The following FBN3 variants were observed in gnomAD, a reference collection of about 807,000 sequenced individuals.
The protein encoded by FBN3 is fibrillin-3.
A neutral mutation model predicts 330.1 loss-of-function variants in FBN3; 234 were observed. The observed-to-expected ratio is 0.71, with a 90% CI of 0.64 to 0.79. The LOEUF (loss-of-function observed/expected upper bound fraction) is 0.79. FBN3 is among the 30% of genes least tolerant of loss of function. The probability of loss-of-function intolerance (pLI) is 0.00; values close to 1 mark genes in which losing one functional copy is unlikely to be tolerated. For synonymous variants in FBN3, 1,458 were observed against 1,517.3 expected (o/e 0.96, Z 0.91); for missense variants, 3,606 against 3,886.9 (o/e 0.93, Z 1.92).
chr19:8,119,347 C>T (rs1038735104), intron 25 of FBN3, among the ~76,000 whole-genome samples: 11 of 152,182 alleles, frequency 7.2e-5, no homozygotes, highest in Non-Finnish European at 1.6e-4. Flanking sequence ...GGCTCAGTCC[C>T]GCCAGGACTC....
At chr19:8,135,852 G>A (rs1053175344) in intron 13 of FBN3, 109 bp downstream of exon 13, 17 of 1,267,820 alleles carry the variant, frequency 1.3e-5, no homozygotes, top group Non-Finnish European at 1.8e-5. Context: ...CAGAGGAGAC[G>A]TCGTAGGGAG....
intron 63 of FBN3, among the ~76,000 whole-genome samples, chr19:8,068,709 T>A (rs980147726): frequency 6.4e-4 from 76 of 118,054 alleles, no homozygotes; most frequent in Non-Finnish European, 9.6e-4. Context: ...CTCAAATAAA[T>A]AAATAAATAA....
intron 34 of FBN3, among the ~76,000 whole-genome samples, 181 bp downstream of exon 34, chr19:8,110,664 T>C (rs184276552): frequency 1.3e-5 from 2 of 152,252 alleles, no homozygotes; most frequent in African/African-American, 4.8e-5. Flanking sequence ...ACAGAACTTA[T>C]TTAGCAGGCG....
In FBN3 at chr19:8,138,473, A is replaced by C. The variant is rs149861063; in HGVS notation, c.957T>G (p.Cys319Trp). The C allele has an allele frequency of 2.0e-5, 33 of 1,613,340 alleles. No individual in the cohort carries two copies. The African/African-American group carries it at 4.1e-4, about 20-fold the overall frequency. The part of the protein sequence containing the change: ...AGHYTRRQCC[C>W]DRGRCWAAGP... Reference sequence around the variant, plus strand: ...CAGCTGCCCAGCACCTGCCCCTGTCACAGCAGCACTGCCTGCGAGTGTAGT... The same window carrying C: ...CAGCTGCCCAGCACCTGCCCCTGTCCCAGCAGCACTGCCTGCGAGTGTAGT... Residue 319 changes from cysteine to tryptophan, a missense_variant, in exon 9 of 64, where the codon TGT becomes TGG. Coordinates refer to ENST00000600128, the MANE Select transcript of FBN3 (RefSeq NM_032447.5).
rs1405896789 is a variant in FBN3 at position 8,081,403 on chromosome 19, A to G, written c.7291T>C (p.Cys2431Arg). 1 of 1,612,460 alleles carries G rather than the reference A, an allele frequency of 6.2e-7. No homozygotes were observed. The change falls in exon 58 of 64, where the codon TGT becomes CGT. Residue 2431 changes from cysteine (C) to arginine (R), a missense_variant. Cys to Arg is a radical substitution (Grantham distance 180, BLOSUM62 -3). Transcript: ENST00000600128. ...KNTKGSFLCS[C>R]PRGYLLEEDG... Reference sequence around the variant, plus strand: ...TCCTCCAGCAGGTAGCCTCGGGGACAGCTGCACAGGAAACTGCCCTTCGTG... The same window carrying G: ...TCCTCCAGCAGGTAGCCTCGGGGACGGCTGCACAGGAAACTGCCCTTCGTG...
intron 38 of FBN3, among the ~76,000 whole-genome samples, chr19:8,105,542 G>C (rs1192463543): frequency 1.3e-5 from 2 of 152,190 alleles, no homozygotes; most frequent in Non-Finnish European, 2.9e-5. Flanking sequence ...ACCAGCTTGA[G>C]CTGCCACGCA....
Position 8,118,020 on chromosome 19 carries a change from A to T in FBN3, c.3338-431T>A, listed in dbSNP as rs563300101. Among the ~76,000 whole-genome samples the T allele has an allele frequency of 3.9e-5, 6 of 152,056 alleles. No individual in the cohort carries two copies. The East Asian group carries it at 9.7e-4, about 25-fold the overall frequency. ...GGCACACTCACACCCATGTGCACAC[A>T]CAGACACACAAACACCCAATGCACA... On this transcript the variant is annotated intron_variant, in intron 26 of 63. Transcript: ENST00000600128.
chr19:8,111,631 C>CCCCCCCCAAAAA lies in FBN3; in HGVS notation c.4084+16_4084+17insTTTTTGGGGGGG. On this transcript the variant is annotated intron_variant, in intron 32 of 63. Coordinates refer to ENST00000600128, the MANE Select transcript of FBN3 (RefSeq NM_032447.5). Reference sequence around the variant, plus strand: ...TGTCCCTCTAGGGCCCCTGCCCTCCCACCCCTCTAATCTCACCTTCGCAGA... The same window carrying CCCCCCCCAAAAA: ...TGTCCCTCTAGGGCCCCTGCCCTCCCCCCCCCCAAAAAACCCCTCTAATCTCACCTTCGCAGA... 6.4e-7 allele frequency: 1 copy of CCCCCCCCAAAAA among 1,565,660 alleles called. No homozygotes were observed. Among genetic ancestry groups the CCCCCCCCAAAAA allele is most frequent in the Non-Finnish European group, 8.7e-7 (1 of 1,145,542 alleles).
rs375756610 is a variant in FBN3, at chr19:8,131,716, C to T, written c.1828G>A (p.Val610Met). ...GGLAVGTDGR[V>M]CVDTHVRSTC... ...CTGCGCACGTGGGTGTCCACGCACA[C>T]GCGGCCATCCGTGCCTACCGCCAGC... Residue 610 changes from valine to methionine, a missense_variant, in exon 15 of 64, where the codon GTG becomes ATG. Val to Met is a conservative substitution (Grantham distance 21, BLOSUM62 1). Transcript: ENST00000600128. The surrounding 1 kb of genome is among the most constrained non-coding windows in gnomAD (Gnocchi z 4.5). 2.3e-5 allele frequency: 37 copies of T among 1,613,784 alleles called. No individual in the cohort carries two copies. Among genetic ancestry groups the T allele is most frequent in the Non-Finnish European group, 2.5e-5 (29 of 1,179,972 alleles).
At position 8,096,871 on chromosome 19, in the gene FBN3, C is replaced by T; in HGVS notation, c.5413+10G>A. On this transcript the variant is annotated intron_variant, in intron 43 of 63. Coordinates refer to ENST00000600128, the MANE Select transcript of FBN3 (RefSeq NM_032447.5). This position sits in a 1 kb window ranked among gnomAD's most constrained non-coding sequence, Gnocchi z 4.6. ...CAGCTCCCTCACCTCCTCCCAGGGACCCTGCTCACCCACACAAGCCCCGCC... is the reference window on the plus strand; with the variant it reads ...CAGCTCCCTCACCTCCTCCCAGGGATCCTGCTCACCCACACAAGCCCCGCC... The T allele has an allele frequency of 6.2e-7, 1 of 1,612,098 alleles. No individual in the cohort carries two copies. Among genetic ancestry groups the T allele is most frequent in the Non-Finnish European group, 8.5e-7 (1 of 1,179,804 alleles).
intron 3 of FBN3, among the ~76,000 whole-genome samples, chr19:8,146,521 G>T (rs2083550812): frequency 6.6e-6 from 1 of 152,180 alleles, no homozygotes; most frequent in Non-Finnish European, 1.5e-5. Context: ...GAGGTGCTGG[G>T]GTCCTGGATA....
chr19:8,111,271 T>C, intron 32 of FBN3, 88 bp from the exon 33 acceptor site: 15 of 1,464,002 alleles, frequency 1.0e-5, no homozygotes, highest in Non-Finnish European at 1.4e-5. Flanking sequence ...CTGGAACACT[T>C]CGCTGTCAGC....
At chr19:8,111,907 T>C in intron 31 of FBN3, 70 bp downstream of exon 31, 3 of 598,224 alleles carry the variant, frequency 5.0e-6, no homozygotes, top group Non-Finnish European at 6.7e-6. Flanking sequence ...CCCACTGCCT[T>C]GCCCCCCACC....
intron 58 of FBN3, 38 bp from the exon 59 acceptor site, chr19:8,081,157 C>G (rs1280862814): frequency 6.3e-7 from 1 of 1,581,606 alleles, no homozygotes; most frequent in South Asian, 1.1e-5. Flanking sequence ...AGGGCAGGGC[C>G]CAGTGGGGGA....
intron 41 of FBN3, among the ~76,000 whole-genome samples, chr19:8,097,787 C>T (rs796658615): frequency 2.3e-4 from 35 of 152,290 alleles, no homozygotes; most frequent in African/African-American, 8.4e-4. Flanking sequence ...GATGTCTGTA[C>T]CATGGAATAT....
intron 63 of FBN3, among the ~76,000 whole-genome samples, chr19:8,066,603 G>T (rs145659099): frequency 6.6e-6 from 1 of 152,170 alleles, no homozygotes; most frequent in South Asian, 2.1e-4. Flanking sequence ...TTGGGAGGCC[G>T]GGCGCAGTGG....
chr19:8,140,443 G>A (rs1209934600), intron 8 of FBN3, among the ~76,000 whole-genome samples: 1 of 152,200 alleles, frequency 6.6e-6, no homozygotes, highest in Non-Finnish European at 1.5e-5. Flanking sequence ...CAGCCTGGGG[G>A]ACAGAGTAAG....
At chr19:8,116,406 C>T (rs1413328146) in intron 29 of FBN3, among the ~76,000 whole-genome samples, 4 of 152,202 alleles carry the variant, frequency 2.6e-5, no homozygotes, top group Non-Finnish European at 4.4e-5. Flanking sequence ...TCATATTAAA[C>T]AAATGCCATT....
At chr19:8,134,022 C>T (rs1265924895) in intron 13 of FBN3, among the ~76,000 whole-genome samples, 3 of 149,438 alleles carry the variant, frequency 2.0e-5, no homozygotes, top group Admixed American at 6.7e-5. Context: ...GTCAGGAGAT[C>T]GAGACCATCC....
Sources: allele counts gnomAD v4.1 joint callset (sites outside exome capture counted in the v4.1 genomes callset), GRCh38; gene constraint gnomAD v4.1.1; non-coding constraint Gnocchi (gnomAD v3.1); transcripts MANE v1.5; gene names NCBI Gene and HGNC (gene_info 2026-07-23, HGNC 2026-07-21).